NCOA3: variants seen among roughly 807,000 people sequenced by gnomAD.
NCOA3 encodes CBP-interacting protein.
In NCOA3, 51 loss-of-function variants were observed where a neutral mutation model predicts 158.8. The ratio of observed to expected loss-of-function variants is 0.32; its 90% CI spans 0.26 to 0.41. NCOA3 has a LOEUF of 0.41. NCOA3 is among the 10% of genes least tolerant of loss of function. The probability of loss-of-function intolerance (pLI) is 1.00; values close to 1 mark genes in which losing one functional copy is unlikely to be tolerated. For missense variants in NCOA3, 1,510 were observed against 1,746.6 expected, an observed-to-expected ratio of 0.86 and a Z score of 2.41; for synonymous variants, 537 against 592.4, an observed-to-expected ratio of 0.91 and a Z score of 1.36.
chr20:47,633,759 T>C (rs2086461070), intron 9 of NCOA3, 123 bp downstream of exon 9: 2 of 1,083,820 alleles, frequency 1.8e-6, no homozygotes, highest in South Asian at 1.6e-5. Flanking sequence ...AGCTTCTGAG[T>C]AGCCAAGACT....
At chr20:47,526,163 G>C (rs1379550659) in intron 1 of NCOA3, among the ~76,000 whole-genome samples, 1 of 151,450 alleles carries the variant, frequency 6.6e-6, no homozygotes, top group Admixed American at 6.6e-5. Context: ...TCAGACGATG[G>C]GCGGCCGGGC....
At chr20:47,592,563 G>T (rs1194643795) in intron 2 of NCOA3, among the ~76,000 whole-genome samples, 1 of 152,164 alleles carries the variant, frequency 6.6e-6, no homozygotes, top group East Asian at 1.9e-4. Context: ...CTTCAGAAAA[G>T]GTAACAGGTT....
intron 1 of NCOA3, among the ~76,000 whole-genome samples, chr20:47,511,552 T>TATATATATACACAC (rs2084139424): frequency 3.2e-5 from 1 of 31,258 alleles, no homozygotes; most frequent in Non-Finnish European, 1.0e-4. Context: ...TATATATATA[T>TATATATATACACAC]ATATTTCTTT....
At position 47,652,980 on chromosome 20, in the gene NCOA3, A is replaced by G; in HGVS notation, c.4171A>G (p.Ser1391Gly). 1.2e-6 allele frequency: 2 copies of G among 1,614,242 alleles called. No individual in the cohort carries two copies. The highest frequency in any genetic ancestry group is 8.5e-7 in the Non-Finnish European group (1 of 1,180,040). The change falls in exon 22 of 23, where the codon AGT (serine) becomes GGT (glycine). Residue 1391 changes from serine to glycine, a missense_variant. Transcript: ENST00000371998. ...CCACCAGGGGAATCCTGCAGTGTAT[A>G]GTATGGTGCACATGAATGGCAGCAG... ...FAHQGNPAVYSMVHMNGSSGH... is the reference protein window; with the variant it reads ...FAHQGNPAVYGMVHMNGSSGH...
intron 19 of NCOA3, 99 bp downstream of exon 19, chr20:47,649,208 T>G: frequency 1.7e-6 from 1 of 598,232 alleles, no homozygotes; most frequent in East Asian, 3.1e-5. Flanking sequence ...CAAATGAAGG[T>G]AATTCTGAAT....
chr20:47,633,303 A>T (rs949565873), intron 8 of NCOA3, among the ~76,000 whole-genome samples, 193 bp from the exon 9 acceptor site: 2 of 152,224 alleles, frequency 1.3e-5, no homozygotes, highest in African/African-American at 2.4e-5. Flanking sequence ...CCTTAGCAGA[A>T]CATGTAGGGA....
At chr20:47,636,812 TTAGA>T (rs545455125) in intron 12 of NCOA3, 50 bp downstream of exon 12, 106 of 1,467,120 alleles carry the variant, frequency 7.2e-5, no homozygotes, top group Non-Finnish European at 9.2e-5. Context: ...TTTTTCGGTG[TTAGA>T]TAATGTGATA....
At chr20:47,630,566 C>G (rs1335041677) in intron 8 of NCOA3, 2 of 147,234 alleles carry the variant, frequency 1.4e-5, no homozygotes, top group African/African-American at 5.0e-5. Flanking sequence ...GGGTTCAAAC[C>G]ATTCTCCTGC....
chr20:47,537,654 ACT>A (rs1474104181), intron 1 of NCOA3, among the ~76,000 whole-genome samples: 2 of 148,056 alleles, frequency 1.4e-5, no homozygotes, highest in African/African-American at 5.0e-5. Context: ...ATCTCAGCTC[ACT>A]GGAACCTCTG....
intron 1 of NCOA3, among the ~76,000 whole-genome samples, chr20:47,558,232 ATTTTTT>A (rs71183263): frequency 1.8e-5 from 1 of 55,536 alleles, no homozygotes; most frequent in African/African-American, 6.5e-5. Context: ...CTAATTTTGT[ATTTTTT>A]TTTTTTTTTT....
intron 1 of NCOA3, among the ~76,000 whole-genome samples, chr20:47,549,786 T>C (rs1255756845): frequency 6.6e-6 from 1 of 152,060 alleles, no homozygotes; most frequent in Non-Finnish European, 1.5e-5. Flanking sequence ...TTGCAGCCTC[T>C]ACCTCCCAGG....
rs1257714900 is a variant in NCOA3 at position 47,653,544 on chromosome 20, GGTATTTTAAGTGATGTC to G, written c.*128_*144del. 8.9e-7 allele frequency: 1 copy of G among 1,118,660 alleles called. No individual in the cohort carries two copies. The highest frequency in any genetic ancestry group is 1.6e-5 in the African/African-American group (1 of 63,260). The allele number at this position is 1,118,660 out of a possible 1,614,324, so 69.3% of individuals were successfully genotyped here. On this transcript the variant is annotated 3_prime_UTR_variant, in exon 23 of 23. Transcript: ENST00000371998. ...AGGACCAGCTTTGAGCTCCATCAAG[GGTATTTTAAGTGATGTC>G]ATTTGAGCAGGACTGGATTTTAAGC...
chr20:47,571,588 T>A (rs1054774390), intron 1 of NCOA3, among the ~76,000 whole-genome samples: 1 of 152,110 alleles, frequency 6.6e-6, no homozygotes, highest in Non-Finnish European at 1.5e-5. Flanking sequence ...TTTTGAATTT[T>A]TTTTTGGTGA....
chr20:47,634,508 A>G (rs1355760144), intron 10 of NCOA3, among the ~76,000 whole-genome samples: 1 of 152,228 alleles, frequency 6.6e-6, no homozygotes, highest in African/African-American at 2.4e-5. Flanking sequence ...TGGGGACTGC[A>G]TTTAAAATTT....
At chr20:47,650,234 C>T (rs1368901128) in intron 19 of NCOA3, among the ~76,000 whole-genome samples, 7 of 151,720 alleles carry the variant, frequency 4.6e-5, no homozygotes, top group African/African-American at 1.7e-4. Context: ...AGTTCTCCCT[C>T]CCTCCCCTTG....
rs141601237 is a variant in NCOA3 at position 47,605,058 on chromosome 20, G to A, written c.-19-17171G>A. ...AATCTTTGTATTTTTAGTAGAGACA[G>A]TGTTTCACCATGTTGGCCAGGATGG... On this transcript the variant is annotated intron_variant, in intron 2 of 22. Transcript: ENST00000371998. Among the ~76,000 whole-genome samples the A allele has an allele frequency of 2.5e-3, 378 of 152,242 alleles. 4 individuals carry two copies. The highest frequency in any genetic ancestry group is 8.8e-3 in the African/African-American group (365 of 41,548).
chr20:47,639,546 G>A, intron 14 of NCOA3, 31 bp from the exon 15 acceptor site: 1 of 1,609,838 alleles, frequency 6.2e-7, no homozygotes, highest in Non-Finnish European at 8.5e-7. Flanking sequence ...TTATAATATG[G>A]AAAAGACCTA....
chr20:47,649,491 GA>G (rs2086746537), intron 19 of NCOA3, among the ~76,000 whole-genome samples: 1 of 152,056 alleles, frequency 6.6e-6, no homozygotes, highest in South Asian at 2.1e-4. Flanking sequence ...TTATAAAGAA[GA>G]AAATAAAGAA....
At chr20:47,545,245 C>T (rs1345958975) in intron 1 of NCOA3, among the ~76,000 whole-genome samples, 7 of 141,484 alleles carry the variant, frequency 4.9e-5, no homozygotes, top group South Asian at 2.3e-4. Context: ...GACAGGATCT[C>T]GGCTCACTGC....
Sources: allele counts gnomAD v4.1 joint callset (sites outside exome capture counted in the v4.1 genomes callset), GRCh38; gene constraint gnomAD v4.1.1; transcripts MANE v1.5; gene names NCBI Gene and HGNC (gene_info 2026-07-23, HGNC 2026-07-21).